Variants in EIF3A observed in about 807,000 individuals in gnomAD.
EIF3A encodes EIF3, p180 subunit.
EIF3A carries 21 observed loss-of-function variants against 186.6 expected under a neutral mutation model. The ratio of observed to expected loss-of-function variants is 0.11; its 90% CI spans 0.08 to 0.16. EIF3A has a LOEUF of 0.16. Ranked by LOEUF, EIF3A falls within the 10% of genes least tolerant of loss-of-function variation. The pLI is 1.00. For missense variants in EIF3A, 1,306 were observed against 1,796.3 expected, an observed-to-expected ratio of 0.73 and a Z score of 4.93; for synonymous variants, 563 against 584.3, an observed-to-expected ratio of 0.96 and a Z score of 0.52.
intron 1 of EIF3A, among the ~76,000 whole-genome samples, chr10:119,078,076 C>G (rs1231489330): frequency 6.6e-6 from 1 of 152,026 alleles, no homozygotes; most frequent in Non-Finnish European, 1.5e-5. Context: ...TACATCAGCC[C>G]TTGATGTTTG....
rs201048747 is a variant in EIF3A, at chr10:119,059,748, T to C, written c.1327-30A>G. ...ATAGAAAACAAAGGGTTAATAACACTAGCCACTGTTTATTCAGCACTTTTT... is the reference window on the plus strand; with the variant it reads ...ATAGAAAACAAAGGGTTAATAACACCAGCCACTGTTTATTCAGCACTTTTT... On this transcript the variant is annotated intron_variant, in intron 9 of 21. Transcript: ENST00000369144. The C allele has an allele frequency of 2.9e-5, 40 of 1,395,562 alleles. No individual in the cohort carries two copies. The East Asian group carries it at 8.7e-4, about 30-fold the overall frequency. The allele number at this position is 1,395,562 out of a possible 1,614,324, so 86.4% of individuals were successfully genotyped here.
chr10:119,067,803 T>G (rs368572747), intron 6 of EIF3A, among the ~76,000 whole-genome samples: 23 of 152,208 alleles, frequency 1.5e-4, no homozygotes, highest in African/African-American at 5.3e-4. Context: ...GTGTGTTGCC[T>G]AAGTCCAATA....
chr10:119,053,850 A>C (rs998104329), intron 14 of EIF3A, among the ~76,000 whole-genome samples: 8 of 152,236 alleles, frequency 5.3e-5, no homozygotes, highest in African/African-American at 1.9e-4. Flanking sequence ...TTATGTCATA[A>C]AGACGGTTTT....
intron 7 of EIF3A, 114 bp downstream of exon 7, chr10:119,065,285 T>C (rs1370486187): frequency 1.5e-5 from 12 of 779,246 alleles, no homozygotes; most frequent in South Asian, 7.1e-5. Flanking sequence ...TCCCTGTCCA[T>C]ACATCAGAAC....
Position 119,073,437 on chromosome 10 carries a change from A to C in EIF3A, c.377+4T>G, listed in dbSNP as rs1844110396. 6.3e-7 allele frequency: 1 copy of C among 1,595,688 alleles called. No individual in the cohort carries two copies. The highest frequency in any genetic ancestry group is 1.3e-5 in the African/African-American group (1 of 74,408). On this transcript the variant is annotated splice_donor_region_variant and intron_variant, in intron 3 of 21. Coordinates refer to ENST00000369144, the MANE Select transcript of EIF3A (RefSeq NM_003750.4). ...AGCATTTATTAGAGGTCTAACCCAC[A>C]TACCTCTCAGGAGTTTGAATATTAT...
chr10:119,044,438 G>GA (rs1359198102), intron 17 of EIF3A, among the ~76,000 whole-genome samples: 2 of 152,168 alleles, frequency 1.3e-5, no homozygotes, highest in Non-Finnish European at 2.9e-5. Context: ...TGAAGAATGT[G>GA]AAAAAAGCCA....
At chr10:119,064,425 G>C (rs1404931331) in intron 7 of EIF3A, among the ~76,000 whole-genome samples, 1 of 152,024 alleles carries the variant, frequency 6.6e-6, no homozygotes, top group Non-Finnish European at 1.5e-5. Flanking sequence ...TAAATCATGG[G>C]GGCAATTTCT....
At chr10:119,036,480 T>C (rs1848131734) in intron 21 of EIF3A, among the ~76,000 whole-genome samples, 1 of 152,018 alleles carries the variant, frequency 6.6e-6, no homozygotes, top group Non-Finnish European at 1.5e-5. Context: ...CAGATAAAAC[T>C]CAAAATCTGA....
chr10:119,047,639 C>CA (rs1245480511), intron 17 of EIF3A, among the ~76,000 whole-genome samples: 2 of 152,092 alleles, frequency 1.3e-5, no homozygotes, highest in African/African-American at 4.8e-5. Context: ...TTAAACAAAA[C>CA]AGCGCTGATT....
rs763586296 is a variant in EIF3A, at chr10:119,042,578, C to G, written c.2942G>C (p.Gly981Ala). 27 of 1,613,996 alleles carry G rather than the reference C, an allele frequency of 1.7e-5. No homozygotes were observed. Among genetic ancestry groups the G allele is most frequent in the Non-Finnish European group, 2.3e-5 (27 of 1,180,030 alleles). ...CCAGGAAGGCCGGTCATCGTCTGCCCCACGACGAGAGAACCTATCTTCCTC... is the reference window on the plus strand; with the variant it reads ...CCAGGAAGGCCGGTCATCGTCTGCCGCACGACGAGAGAACCTATCTTCCTC... ...GPEEDRFSRR[G>A]ADDDRPSWRN... The change falls in exon 19 of 22, where the codon GGG becomes GCG. Residue 981 changes from glycine to alanine, a missense_variant. Gly to Ala is a moderately conservative substitution (Grantham distance 60, BLOSUM62 0). Coordinates refer to ENST00000369144, the MANE Select transcript of EIF3A (RefSeq NM_003750.4). This position sits in a 1 kb window ranked among gnomAD's most constrained non-coding sequence, Gnocchi z 7.8.
chr10:119,061,192 G>GT, intron 8 of EIF3A, 32 bp downstream of exon 8: 2 of 1,280,542 alleles, frequency 1.6e-6, no homozygotes, highest in Non-Finnish European at 2.2e-6. Flanking sequence ...CAACTCTGTG[G>GT]TAACAACCAG....
At chr10:119,053,404 CGTTTCATCTACACT>C (rs1334250372) in intron 14 of EIF3A, among the ~76,000 whole-genome samples, 11 of 151,950 alleles carry the variant, frequency 7.2e-5, no homozygotes, top group African/African-American at 2.7e-4. Flanking sequence ...AACAGAAGGT[CGTTTCATCTACACT>C]GAAAATCTAT....
chr10:119,073,271 TC>T lies in EIF3A; in HGVS notation c.377+169del, dbSNP rs144321982. ...TATCTTAAGGCTGTCATTTTCCACT[TC>T]TATGAATTTTTATTACCTACATAAA... is the stretch of plus-strand genomic sequence containing the variant. On this transcript the variant is annotated intron_variant, in intron 3 of 21. Transcript: ENST00000369144. Among the ~76,000 whole-genome samples, 315 of 152,350 alleles carry T rather than the reference TC, an allele frequency of 2.1e-3. 2 individuals carry two copies. The highest frequency in any genetic ancestry group is 7.3e-3 in the African/African-American group (303 of 41,594).
At chr10:119,058,677 C>G (rs4752245) in intron 11 of EIF3A, among the ~76,000 whole-genome samples, 148,966 of 152,346 alleles carry the variant, frequency 0.98, 72,921 homozygotes, top group East Asian at 1. Context: ...GAGGCCAGGA[C>G]TTTGAGACCA....
At chr10:119,058,975 T>C (rs773046347) in intron 11 of EIF3A, among the ~76,000 whole-genome samples, 22 of 152,264 alleles carry the variant, frequency 1.4e-4, no homozygotes, top group Non-Finnish European at 2.1e-4. Flanking sequence ...CTGTTGTTTC[T>C]GTAACATAAT....
In EIF3A at chr10:119,034,556, G is replaced by C. The variant is rs1456163885; in HGVS notation, c.*1483C>G. 6.6e-6 allele frequency: 1 copy of C among 152,078 alleles called. No individual in the cohort carries two copies. Among genetic ancestry groups the C allele is most frequent in the Non-Finnish European group, 1.5e-5 (1 of 68,016 alleles). 9.4% of individuals were successfully genotyped at this position (152,078 alleles called of 1,614,324 possible). The stretch of plus-strand genomic sequence containing the variant: ...ACGTATTTGAAATACCAGATACTAA[G>C]GTGTTTAAAATGATTTCTATCATTG... On this transcript the variant is annotated 3_prime_UTR_variant, in exon 22 of 22. Transcript: ENST00000369144.
Position 119,037,062 on chromosome 10 carries a change from C to CG in EIF3A, c.3919+56_3919+57insC, listed in dbSNP as rs898529465. 2.2e-4 allele frequency: 50 copies of CG among 226,070 alleles called. 1 individual carries two copies. The highest frequency in any genetic ancestry group is 1.7e-3 in the African/African-American group (47 of 27,338). The allele number at this position is 226,070 out of a possible 1,614,324, so 14.0% of individuals were successfully genotyped here. On this transcript the variant is annotated intron_variant, in intron 21 of 21. Coordinates refer to ENST00000369144, the MANE Select transcript of EIF3A (RefSeq NM_003750.4). ...ATGATATAATTAAATAACCCAAATC[C>CG]CCCCCCCCCCAGAAACGACAGTTCT...
chr10:119,057,395 A>G (rs1843798536), intron 12 of EIF3A, among the ~76,000 whole-genome samples: 1 of 152,230 alleles, frequency 6.6e-6, no homozygotes, highest in Admixed American at 6.5e-5. Flanking sequence ...GTGACAGGTC[A>G]GTCAAAATGC....
chr10:119,074,902 G>A (rs1349244637), intron 1 of EIF3A, among the ~76,000 whole-genome samples: 1 of 17,516 alleles, frequency 5.7e-5, no homozygotes, highest in East Asian at 1.8e-3. Context: ...CGGGCAACAA[G>A]AACGAAACTC....
Sources: gnomAD v4.1 joint callset for allele counts (sites outside exome capture counted in the v4.1 genomes callset) on GRCh38, gnomAD v4.1.1 for gene constraint, Gnocchi (gnomAD v3.1) non-coding constraint, MANE v1.5 for transcripts, NCBI Gene and HGNC (gene_info 2026-07-23, HGNC 2026-07-21) for gene names.